FGF14: variants seen among roughly 807,000 people sequenced by gnomAD.
The protein encoded by FGF14 is fibroblast growth factor 14.
A neutral mutation model predicts 25.5 loss-of-function variants in FGF14; 5 were observed. The ratio of observed to expected loss-of-function variants is 0.20; its 90% CI spans 0.10 to 0.41. The LOEUF is 0.41. Ranked by LOEUF, FGF14 falls within the 10% of genes least tolerant of loss-of-function variation. The probability of loss-of-function intolerance (pLI) is 1.00; values close to 1 mark genes in which losing one functional copy is unlikely to be tolerated. For missense variants in FGF14, 222 were observed against 320.1 expected (o/e 0.69, Z 2.34); for synonymous variants, 138 against 118.3 (o/e 1.17, Z -1.08).
At chr13:101,887,328 G>GTATATA (rs1555307081) in intron 1 of FGF14, among the ~76,000 whole-genome samples, 2 of 147,640 alleles carry the variant, frequency 1.4e-5, no homozygotes, top group African/African-American at 2.5e-5. Flanking sequence ...ATATATGTGT[G>GTATATA]TATATATATA....
intron 1 of FGF14, among the ~76,000 whole-genome samples, chr13:101,995,949 G>A (rs2039157427): frequency 6.6e-6 from 1 of 152,124 alleles, no homozygotes; most frequent in South Asian, 2.1e-4. Context: ...TAGCACAACA[G>A]GGTGATATAG....
Position 102,375,590 on chromosome 13 carries a change from T to C in FGF14, c.208+25881A>G, listed in dbSNP as rs759620041. ...AAATAAATACTCGAAATTCAATAAA[T>C]AAGACTGCTTATATGGGAGGCTACA... On this transcript the variant is annotated intron_variant, in intron 1 of 4. Coordinates refer to the FGF14 transcript ENST00000376131. Among the ~76,000 whole-genome samples the C allele has an allele frequency of 6.9e-4, 105 of 152,292 alleles. 1 individual carries two copies. Among genetic ancestry groups the C allele is most frequent in the South Asian group, 1.2e-3 (6 of 4,824 alleles).
Position 102,161,573 on chromosome 13 carries a change from G to GAAGAAGAAGA in FGF14, c.208+239897_208+239898insTCTTCTTCTT, listed in dbSNP as rs1555369405. Among the ~76,000 whole-genome samples the GAAGAAGAAGA allele has an allele frequency of 1.1e-3, 6 of 5,486 alleles. 3 individuals are homozygous for GAAGAAGAAGA. Among genetic ancestry groups the GAAGAAGAAGA allele is most frequent in the Admixed American group, 6.3e-3 (2 of 318 alleles). The allele number at this position is 5,486 out of a possible 152,430, so 3.6% of individuals were successfully genotyped here. A position where few individuals can be genotyped will look rare whatever the true frequency, so the allele number is the denominator to read the frequency against. On this transcript the variant is annotated intron_variant, in intron 1 of 4. Coordinates refer to the FGF14 transcript ENST00000376131. Reference sequence around the variant, plus strand: ...ATGCAACCAACTTTCTGTGAAGAAAGAAAGAAGAAGAAGAAGAAGAAGAAG... The same window carrying GAAGAAGAAGA: ...ATGCAACCAACTTTCTGTGAAGAAAGAAGAAGAAGAAAAGAAGAAGAAGAAGAAGAAGAAG...
chr13:102,268,073 G>A (rs1043442456), intron 1 of FGF14, among the ~76,000 whole-genome samples: 4 of 152,110 alleles, frequency 2.6e-5, no homozygotes, highest in African/African-American at 9.7e-5. Context: ...ATCAATAAAT[G>A]TAAATGGAAT....
At chr13:102,231,349 G>A (rs569652202) in intron 1 of FGF14, among the ~76,000 whole-genome samples, 2 of 152,266 alleles carry the variant, frequency 1.3e-5, no homozygotes, top group Admixed American at 6.5e-5. Context: ...ACCTTTTGGT[G>A]TCCTATGAAT....
chr13:101,905,182 G>T (rs1379831727), intron 1 of FGF14, among the ~76,000 whole-genome samples: 1 of 152,168 alleles, frequency 6.6e-6, no homozygotes, highest in African/African-American at 2.4e-5. Flanking sequence ...TAACATTACT[G>T]TCCCAGCAGT....
intron 1 of FGF14, among the ~76,000 whole-genome samples, chr13:102,235,893 T>C (rs58607076): frequency 0.042 from 6,361 of 152,290 alleles, 442 homozygotes; most frequent in African/African-American, 0.14. Context: ...ATTTACCCAA[T>C]AGACCCAGGA....
chr13:102,254,977 C>A (rs2052366793), intron 1 of FGF14, among the ~76,000 whole-genome samples: 1 of 152,210 alleles, frequency 6.6e-6, no homozygotes, highest in Non-Finnish European at 1.5e-5. Context: ...TCATCTGCGA[C>A]AGTTTAATGT....
At chr13:102,274,577 T>C (rs545450713) in intron 1 of FGF14, among the ~76,000 whole-genome samples, 65 of 152,304 alleles carry the variant, frequency 4.3e-4, no homozygotes, top group Non-Finnish European at 6.8e-4. Flanking sequence ...GCCAATTTTA[T>C]AAAATGTTGC....
chr13:102,326,196 T>C (rs1176978177), intron 1 of FGF14, among the ~76,000 whole-genome samples: 1 of 152,122 alleles, frequency 6.6e-6, no homozygotes, highest in Non-Finnish European at 1.5e-5. Flanking sequence ...AAGCATCAAA[T>C]GCAAGCATCA....
chr13:101,752,823 G>A (rs1029123296), intron 3 of FGF14, among the ~76,000 whole-genome samples: 1 of 152,174 alleles, frequency 6.6e-6, no homozygotes, highest in Non-Finnish European at 1.5e-5. Flanking sequence ...AAGTAGGCTA[G>A]AAGAGGGCAG....
At chr13:102,122,609 A>C (rs1421152539) in intron 1 of FGF14, among the ~76,000 whole-genome samples, 1 of 152,218 alleles carries the variant, frequency 6.6e-6, no homozygotes, top group Non-Finnish European at 1.5e-5. Context: ...CACTTCTGAA[A>C]ATCAAAATGC....
At chr13:102,226,941 C>T (rs978095267) in intron 1 of FGF14, among the ~76,000 whole-genome samples, 1 of 151,926 alleles carries the variant, frequency 6.6e-6, no homozygotes, top group African/African-American at 2.4e-5. Flanking sequence ...AATTTTTAAA[C>T]TTGACATCCT....
intron 1 of FGF14, among the ~76,000 whole-genome samples, chr13:102,378,638 T>TATAG: frequency 6.6e-6 from 1 of 150,784 alleles, no homozygotes; most frequent in African/African-American, 2.4e-5. Flanking sequence ...TATCTATATA[T>TATAG]ATATATATCT....
At chr13:102,230,249 C>A (rs1035718365) in intron 1 of FGF14, among the ~76,000 whole-genome samples, 1 of 152,130 alleles carries the variant, frequency 6.6e-6, no homozygotes, top group Non-Finnish European at 1.5e-5. Flanking sequence ...TTGGACTTCC[C>A]AGTCTCTAGA....
chr13:101,854,411 A>C (rs183914554), intron 3 of FGF14, among the ~76,000 whole-genome samples: 1 of 152,202 alleles, frequency 6.6e-6, no homozygotes, highest in Admixed American at 6.6e-5. Context: ...AGAGAGGAGA[A>C]TACTGCTGCT....
chr13:101,788,358 T>C (rs892156593), intron 3 of FGF14, among the ~76,000 whole-genome samples: 1 of 152,150 alleles, frequency 6.6e-6, no homozygotes, highest in African/African-American at 2.4e-5. Flanking sequence ...ATTAGAGCAA[T>C]TAAATGATAA....
At chr13:101,733,871 ATATT>A (rs1334921010) in intron 3 of FGF14, among the ~76,000 whole-genome samples, 4 of 151,666 alleles carry the variant, frequency 2.6e-5, no homozygotes, top group African/African-American at 7.3e-5. Context: ...TTGATTCATT[ATATT>A]TATTACATGT....
chr13:102,226,512 A>G (rs991605359), intron 1 of FGF14, among the ~76,000 whole-genome samples: 1 of 152,168 alleles, frequency 6.6e-6, no homozygotes, highest in Non-Finnish European at 1.5e-5. Flanking sequence ...TTTGGAATGT[A>G]ATATTTTTGA....
Sources: gnomAD v4.1 joint callset for allele counts (sites outside exome capture counted in the v4.1 genomes callset) on GRCh38, gnomAD v4.1.1 for gene constraint, MANE v1.5 for transcripts, NCBI Gene and HGNC (gene_info 2026-07-23, HGNC 2026-07-21) for gene names.